The following FAM13C variants were observed in gnomAD, a reference collection of about 807,000 sequenced individuals.
FAM13C encodes the protein protein FAM13C.
A neutral mutation model predicts 73.2 loss-of-function variants in FAM13C; 37 were observed. The observed-to-expected ratio is 0.51, with a 90% CI of 0.39 to 0.67. The LOEUF is 0.67. Among genes scored for constraint, FAM13C ranks in the 30% least tolerant of loss-of-function variants. The pLI, the probability that FAM13C is intolerant of heterozygous loss-of-function variation, is 0.00. For synonymous variants in FAM13C, 246 were observed against 260.9 expected, an observed-to-expected ratio of 0.94 and a Z score of 0.55; for missense variants, 589 against 715.6, an observed-to-expected ratio of 0.82 and a Z score of 2.02.
At chr10:59,277,205 G>T (rs1451433339) in intron 6 of FAM13C, among the ~76,000 whole-genome samples, 1 of 152,110 alleles carries the variant, frequency 6.6e-6, no homozygotes, top group Admixed American at 6.6e-5. Flanking sequence ...GTTTAATCAG[G>T]TGTGGGATTT....
At chr10:59,267,688 TACTCTC>T (rs1336861421) in intron 8 of FAM13C, among the ~76,000 whole-genome samples, 1 of 152,182 alleles carries the variant, frequency 6.6e-6, no homozygotes, top group African/African-American at 2.4e-5. Context: ...CCCCAGTACT[TACTCTC>T]ATACTCACAA....
chr10:59,326,294 T>C (rs1045331520), intron 3 of FAM13C, among the ~76,000 whole-genome samples: 2 of 152,130 alleles, frequency 1.3e-5, no homozygotes, highest in African/African-American at 4.8e-5. Flanking sequence ...AGTCCCTGAT[T>C]CAAATGGGGA....
At chr10:59,345,966 C>A (rs1333058686) in intron 3 of FAM13C, among the ~76,000 whole-genome samples, 1 of 152,146 alleles carries the variant, frequency 6.6e-6, no homozygotes, top group Non-Finnish European at 1.5e-5. Context: ...AGACACACTG[C>A]AAGAATAGAG....
chr10:59,336,936 G>A (rs1007323293), intron 3 of FAM13C, among the ~76,000 whole-genome samples: 5 of 152,084 alleles, frequency 3.3e-5, no homozygotes, highest in Non-Finnish European at 4.4e-5. Flanking sequence ...TACAGTTCAC[G>A]GATGACAAAT....
chr10:59,331,666 A>T (rs1442334663), intron 3 of FAM13C, among the ~76,000 whole-genome samples: 1 of 152,140 alleles, frequency 6.6e-6, no homozygotes, highest in African/African-American at 2.4e-5. Flanking sequence ...TCAAAGAAGG[A>T]AGGATAGTTA....
chr10:59,255,931 T>A (rs1054623164), intron 10 of FAM13C, among the ~76,000 whole-genome samples: 2 of 151,930 alleles, frequency 1.3e-5, no homozygotes, highest in Admixed American at 1.3e-4. Context: ...ACCCAATACA[T>A]CCCCATCCCT....
At chr10:59,250,860 C>G (rs1223338097) in intron 13 of FAM13C, among the ~76,000 whole-genome samples, 1 of 152,012 alleles carries the variant, frequency 6.6e-6, no homozygotes, top group African/African-American at 2.4e-5. Flanking sequence ...CCAAAGTATC[C>G]CAGGAGTCCA....
At chr10:59,349,977 C>G (rs529416444) in intron 3 of FAM13C, among the ~76,000 whole-genome samples, 2 of 152,284 alleles carry the variant, frequency 1.3e-5, no homozygotes, top group South Asian at 4.1e-4. Context: ...CACTGATCCC[C>G]AGAGTTCAGA....
rs1207838259 is a variant in FAM13C, at chr10:59,246,590, C to T, written c.*1024G>A. ...ATAAACATGTTTTCGTATAAAATAA[C>T]ACAAAATGATATACACTGAAGTTGA... is the stretch of plus-strand genomic sequence containing the variant. On this transcript the variant is annotated 3_prime_UTR_variant, in exon 14 of 14. Transcript: ENST00000618804. The T allele has an allele frequency of 5.0e-6, 2 of 397,254 alleles. No individual in the cohort carries two copies. Among genetic ancestry groups the T allele is most frequent in the Non-Finnish European group, 8.9e-6 (2 of 224,980 alleles). 24.6% of individuals were successfully genotyped at this position (397,254 alleles called of 1,614,324 possible).
Position 59,352,404 on chromosome 10 carries a change from C to G in FAM13C, c.190G>C (p.Glu64Gln). The G allele has an allele frequency of 6.2e-7, 1 of 1,613,992 alleles. No homozygotes were observed. The change falls in exon 3 of 14, where the codon GAG becomes CAG. Residue 64 changes from glutamate to glutamine, a missense_variant. Transcript: ENST00000618804. ...LVEEHAPPSW[E>Q]PQQQNVEATV... ...GCCTCTACATTCTGCTGCTGCGGCT[C>G]CCAAGAGGGCGGCGCGTGCTCTTCT...
chr10:59,342,078 C>T (rs1014454768), intron 3 of FAM13C, among the ~76,000 whole-genome samples: 1 of 152,122 alleles, frequency 6.6e-6, no homozygotes, highest in African/African-American at 2.4e-5. Context: ...CAGAAGCTGG[C>T]TCATGAAAGT....
chr10:59,355,168 A>C (rs1297186598), intron 2 of FAM13C, among the ~76,000 whole-genome samples: 1 of 152,090 alleles, frequency 6.6e-6, no homozygotes, highest in African/African-American at 2.4e-5. Flanking sequence ...ATCCACATCT[A>C]TATTCTAGCC....
chr10:59,279,618 T>G (rs538866111), intron 6 of FAM13C, among the ~76,000 whole-genome samples: 2 of 152,324 alleles, frequency 1.3e-5, no homozygotes, highest in South Asian at 2.1e-4. Context: ...ATGTGGAACA[T>G]GAACAGTCCT....
intron 3 of FAM13C, among the ~76,000 whole-genome samples, chr10:59,338,628 C>T (rs567001260): frequency 1.3e-4 from 20 of 152,338 alleles, no homozygotes; most frequent in Non-Finnish European, 2.2e-4. Flanking sequence ...ATCTTCGATA[C>T]AACTACTAAA....
chr10:59,293,244 T>C (rs1236238491), intron 5 of FAM13C, among the ~76,000 whole-genome samples: 1 of 151,396 alleles, frequency 6.6e-6, no homozygotes. Context: ...CAGCTAATTT[T>C]TTTTTGTATT....
chr10:59,282,186 T>C (rs918720681), intron 6 of FAM13C: 2 of 152,340 alleles, frequency 1.3e-5, no homozygotes, highest in East Asian at 3.9e-4. Context: ...CAGTGTCTTA[T>C]GAAGAATGGT....
At chr10:59,353,804 G>T (rs1202263202) in intron 2 of FAM13C, among the ~76,000 whole-genome samples, 1 of 152,158 alleles carries the variant, frequency 6.6e-6, no homozygotes, top group African/African-American at 2.4e-5. Context: ...CAAACGTAGT[G>T]CTATCTGGTA....
In FAM13C at chr10:59,290,279, G is replaced by A. The variant is rs572928801; in HGVS notation, c.508-6832C>T. 9.9e-5 allele frequency among the ~76,000 whole-genome samples: 15 copies of A among 152,250 alleles called. No individual in the cohort carries two copies. In the East Asian group the frequency reaches 2.9e-3, roughly 29 times the overall value. Reference sequence around the variant, plus strand: ...TTGTCTGCAATTCACCAGTCCCAGAGCAGGCACAGCTTACATTTAGTTCGT... The same window carrying A: ...TTGTCTGCAATTCACCAGTCCCAGAACAGGCACAGCTTACATTTAGTTCGT... On this transcript the variant is annotated intron_variant, in intron 5 of 13. Transcript: ENST00000618804.
intron 1 of FAM13C, chr10:59,361,075 C>G (rs1289331544): frequency 7.0e-6 from 9 of 1,289,286 alleles, no homozygotes; most frequent in Non-Finnish European, 8.1e-6. Context: ...CCTGCAGATG[C>G]ACACTTTGGC....
Sources: gnomAD v4.1 joint callset for allele counts (sites outside exome capture counted in the v4.1 genomes callset) on GRCh38, gnomAD v4.1.1 for gene constraint, MANE v1.5 for transcripts, NCBI Gene and HGNC (gene_info 2026-07-23, HGNC 2026-07-21) for gene names.